Variants in LRP1B observed in about 807,000 individuals in gnomAD.
LRP1B encodes LDL receptor related protein 1B.
Under a neutral mutation model 556.6 loss-of-function variants are expected in LRP1B, and 217 were observed. That is an observed-to-expected ratio of 0.39 (90% confidence interval 0.35 to 0.44). The LOEUF is 0.44. Among genes scored for constraint, LRP1B ranks in the 20% least tolerant of loss-of-function variants. The pLI is 1.00. For synonymous variants in LRP1B, 2,047 were observed against 1,865.8 expected, an observed-to-expected ratio of 1.10 and a Z score of -2.50; for missense variants, 5,053 against 5,620.8, an observed-to-expected ratio of 0.90 and a Z score of 3.23.
At chr2:140,386,058 T>C in intron 66 of LRP1B, 49 bp from the exon 67 acceptor site, 1 of 1,191,256 alleles carries the variant, frequency 8.4e-7, no homozygotes, top group Non-Finnish European at 1.2e-6. Flanking sequence ...CATGAAGACA[T>C]CCCTCACAAC....
At chr2:141,664,380 A>AT (rs1331527654) in intron 2 of LRP1B, among the ~76,000 whole-genome samples, 3 of 152,206 alleles carry the variant, frequency 2.0e-5, no homozygotes, top group African/African-American at 7.2e-5. Flanking sequence ...AGAGAAAGAA[A>AT]TAAAGGGTAC....
rs569993065 is a variant in LRP1B, at chr2:141,755,495, T to C, written c.205+54784A>G. On this transcript the variant is annotated intron_variant, in intron 2 of 90. Transcript: ENST00000389484. ...AATATCATAATGGCAAAAATGAAAATAAATACTTTAATATTACTACTCAGT... is the reference window on the plus strand; with the variant it reads ...AATATCATAATGGCAAAAATGAAAACAAATACTTTAATATTACTACTCAGT... Among the ~76,000 whole-genome samples, 4 of 151,880 alleles carry C rather than the reference T, an allele frequency of 2.6e-5. No individual in the cohort carries two copies. The South Asian group carries it at 8.3e-4, about 31-fold the overall frequency.
At chr2:141,240,034 G>A (rs957972923) in intron 5 of LRP1B, among the ~76,000 whole-genome samples, 6 of 152,046 alleles carry the variant, frequency 3.9e-5, no homozygotes, top group African/African-American at 1.4e-4. Flanking sequence ...AGAGTACTAA[G>A]ATATAATTTA....
rs191914115 is a variant in LRP1B, at chr2:140,873,040, A to G, written c.4170-4777T>C. Among the ~76,000 whole-genome samples the G allele has an allele frequency of 5.9e-3, 898 of 152,184 alleles. 29 individuals carry two copies. The highest frequency in any genetic ancestry group is 0.051 in the Admixed American group (772 of 15,260). ...ATCAGGAAAAAAAGACTAGTCAAAT[A>G]TTTTTTCCAGTTTACATAACAAGTA... On this transcript the variant is annotated intron_variant, in intron 25 of 90. Transcript: ENST00000389484.
intron 2 of LRP1B, among the ~76,000 whole-genome samples, chr2:141,626,012 C>A (rs1484792011): frequency 6.6e-6 from 1 of 152,094 alleles, no homozygotes; most frequent in African/African-American, 2.4e-5. Context: ...GAGAAGATTT[C>A]ATACAGAAAA....
At chr2:141,333,222 A>G (rs1033993412) in intron 3 of LRP1B, among the ~76,000 whole-genome samples, 1 of 152,108 alleles carries the variant, frequency 6.6e-6, no homozygotes, top group Non-Finnish European at 1.5e-5. Context: ...GAATCATGGT[A>G]GTTACTCAAT....
intron 3 of LRP1B, among the ~76,000 whole-genome samples, chr2:141,266,842 C>A (rs1321612605): frequency 6.6e-6 from 1 of 152,024 alleles, no homozygotes; most frequent in Non-Finnish European, 1.5e-5. Flanking sequence ...AATAAAATGA[C>A]TGGTTTATTC....
chr2:141,049,401 T>G (rs1183215571), intron 10 of LRP1B, among the ~76,000 whole-genome samples, 179 bp from the exon 11 acceptor site: 1 of 152,126 alleles, frequency 6.6e-6, no homozygotes, highest in East Asian at 1.9e-4. Context: ...ATTACTTTAA[T>G]TAAAACAGAA....
At chr2:140,606,671 C>T (rs1682878508) in intron 41 of LRP1B, among the ~76,000 whole-genome samples, 1 of 151,810 alleles carries the variant, frequency 6.6e-6, no homozygotes, top group African/African-American at 2.4e-5. Flanking sequence ...CTACATGTAC[C>T]AGAAAAGTCC....
chr2:142,090,819 C>T (rs1017123211), intron 1 of LRP1B, among the ~76,000 whole-genome samples: 3 of 151,974 alleles, frequency 2.0e-5, no homozygotes, highest in Non-Finnish European at 2.9e-5. Context: ...AGTTTCCAGG[C>T]TATTATTACA....
intron 20 of LRP1B, among the ~76,000 whole-genome samples, chr2:140,932,886 T>TACACACACACACACACACACACAC (rs373649277): frequency 1.6e-5 from 2 of 127,554 alleles, no homozygotes; most frequent in African/African-American, 5.7e-5. Context: ...TCTCTCCCTA[T>TACACACACACACACACACACACAC]ACACACACAC....
intron 55 of LRP1B, among the ~76,000 whole-genome samples, chr2:140,501,097 A>ATTTC (rs1222012088): frequency 6.6e-6 from 1 of 151,922 alleles, no homozygotes; most frequent in African/African-American, 2.4e-5. Context: ...TTTAGAAGCT[A>ATTTC]TTTCTGTCCA....
At chr2:140,600,964 T>C (rs538064754) in intron 42 of LRP1B, among the ~76,000 whole-genome samples, 1 of 151,892 alleles carries the variant, frequency 6.6e-6, no homozygotes, top group East Asian at 1.9e-4. Flanking sequence ...ACTTAGACTA[T>C]TATCAAGCAC....
At chr2:140,510,994 A>T (rs553321166) in intron 51 of LRP1B, among the ~76,000 whole-genome samples, 1 of 151,456 alleles carries the variant, frequency 6.6e-6, no homozygotes, top group East Asian at 1.9e-4. Flanking sequence ...ATGACCCTAA[A>T]TCTCTTTTTT....
At chr2:141,664,154 T>C (rs1690333261) in intron 2 of LRP1B, among the ~76,000 whole-genome samples, 1 of 152,150 alleles carries the variant, frequency 6.6e-6, no homozygotes, top group Non-Finnish European at 1.5e-5. Flanking sequence ...ATTATCTCAT[T>C]AGACCCAGAA....
chr2:140,846,293 T>A lies in LRP1B; in HGVS notation c.4939+3809A>T, dbSNP rs190638071. Among the ~76,000 whole-genome samples the A allele has an allele frequency of 2.1e-4, 32 of 152,260 alleles. No homozygotes were observed. In the East Asian group the frequency reaches 5.8e-3, roughly 28 times the overall value. ...CAGCAAATAGCTCATGTGAGCAATA[T>A]ATACATTAAGAACAGCTTGGTGTTT... is the stretch of plus-strand genomic sequence containing the variant. On this transcript the variant is annotated intron_variant, in intron 29 of 90. Coordinates refer to ENST00000389484, the MANE Select transcript of LRP1B (RefSeq NM_018557.3).
intron 3 of LRP1B, among the ~76,000 whole-genome samples, chr2:141,256,849 CA>C (rs1684483221): frequency 6.6e-6 from 1 of 151,792 alleles, no homozygotes; most frequent in Admixed American, 6.6e-5. Flanking sequence ...TTGGAAGTCA[CA>C]AGCATAAAGT....
intron 1 of LRP1B, among the ~76,000 whole-genome samples, chr2:141,973,850 C>T (rs1276907443): frequency 2.0e-5 from 3 of 151,626 alleles, no homozygotes; most frequent in Non-Finnish European, 4.4e-5. Flanking sequence ...TAAATCTTAC[C>T]AATATTTTGA....
intron 23 of LRP1B, among the ~76,000 whole-genome samples, chr2:140,888,793 G>A (rs994906053): frequency 4.6e-5 from 7 of 151,410 alleles, no homozygotes; most frequent in Admixed American, 1.3e-4. Flanking sequence ...GTGAAACCCC[G>A]TCTCTACTAA....
Sources: gnomAD v4.1 joint callset for allele counts (sites outside exome capture counted in the v4.1 genomes callset) on GRCh38, gnomAD v4.1.1 for gene constraint, MANE v1.5 for transcripts, NCBI Gene and HGNC (gene_info 2026-07-23, HGNC 2026-07-21) for gene names.